MAST3: variants seen among roughly 807,000 people sequenced by gnomAD.
MAST3 encodes microtubule-associated serine/threonine-protein kinase 3.
Under a neutral mutation model 127.0 loss-of-function variants are expected in MAST3, and 43 were observed. That is an observed-to-expected ratio of 0.34 (90% CI 0.27 to 0.44). The LOEUF (loss-of-function observed/expected upper bound fraction) is 0.44, where lower values mean the gene tolerates loss of function less well. Among genes scored for constraint, MAST3 ranks in the 20% least tolerant of loss-of-function variants. MAST3 has a pLI of 1.00. For synonymous variants in MAST3, 785 were observed against 809.2 expected (o/e 0.97, Z 0.51); for missense variants, 1,390 against 1,919.1 (o/e 0.72, Z 5.15).
At chr19:18,123,156 G>C (rs2040195424) in intron 6 of MAST3, 61 bp from the exon 7 acceptor site, 2 of 1,580,358 alleles carry the variant, frequency 1.3e-6, no homozygotes, top group South Asian at 2.2e-5. Flanking sequence ...GGTGGTGCTG[G>C]GTTCCTGGCC....
In MAST3 at chr19:18,124,732, T is replaced by C; in HGVS notation, c.1036T>C (p.Tyr346His). ...AGGCATTAAGACTGACCTTCCACAGTACATCATTGGGCAGCTGGGCCTGGC... is the reference window on the plus strand; with the variant it reads ...AGGCATTAAGACTGACCTTCCACAGCACATCATTGGGCAGCTGGGCCTGGC... ...GQGIKTDLPQ[Y>H]IIGQLGLAKD... The change falls in exon 11 of 28, where the codon TAC (tyrosine) becomes CAC (histidine). Residue 346 changes from tyrosine (Y) to histidine (H), a missense_variant. Physicochemically the swap from Tyr to His is moderately conservative, Grantham distance 83. Transcript: ENST00000687212. 6.2e-7 allele frequency: 1 copy of C among 1,609,356 alleles called. No homozygotes were observed. The highest frequency in any genetic ancestry group is 8.5e-7 in the Non-Finnish European group (1 of 1,177,370).
chr19:18,117,947 C>A (rs1257580825), intron 3 of MAST3: 1 of 198,180 alleles, frequency 5.0e-6, no homozygotes, highest in Non-Finnish European at 9.0e-6. Context: ...CGCTCCGCCT[C>A]CCGACAGGCC....
At chr19:18,124,460 C>T (rs1468497399) in intron 10 of MAST3, 94 bp downstream of exon 10, 27 of 1,379,566 alleles carry the variant, frequency 2.0e-5, no homozygotes, top group East Asian at 1.0e-4. Flanking sequence ...CAGTTCCCAT[C>T]GTGTAGGGCT....
chr19:18,123,181 G>A, intron 6 of MAST3, 36 bp from the exon 7 acceptor site: 1 of 1,611,336 alleles, frequency 6.2e-7, no homozygotes, highest in Non-Finnish European at 8.5e-7. Context: ...CACTGACGGT[G>A]AACTCATGGC....
At chr19:18,118,494 C>G (rs558599725) in intron 3 of MAST3, among the ~76,000 whole-genome samples, 104 of 152,228 alleles carry the variant, frequency 6.8e-4, no homozygotes, top group Non-Finnish European at 1.2e-3. Flanking sequence ...TGGTGACAGA[C>G]AGGAGTGAGT....
At chr19:18,106,605 C>T (rs1294402587) in intron 1 of MAST3, among the ~76,000 whole-genome samples, 1 of 150,362 alleles carries the variant, frequency 6.7e-6, no homozygotes, top group Non-Finnish European at 1.5e-5. Context: ...GAGTTTCGCT[C>T]TTGTTTCCCA....
At position 18,145,013 on chromosome 19, in the gene MAST3, C is replaced by A; in HGVS notation, c.2823C>A (p.Ser941Arg). The A allele has an allele frequency of 6.4e-7, 1 of 1,569,564 alleles. No individual in the cohort carries two copies. Among genetic ancestry groups the A allele is most frequent in the Non-Finnish European group, 8.7e-7 (1 of 1,147,118 alleles). Residue 941 changes from serine to arginine, a missense_variant, in exon 24 of 28, where the codon AGC becomes AGA. By Grantham distance (110) the Ser-to-Arg change is moderately radical (BLOSUM62 -1). Around this residue, in one of 5 missense-constraint regions of MAST3, gnomAD observed 816 missense variants for 934.1 expected, o/e 0.87. Coordinates refer to ENST00000687212, the MANE Select transcript of MAST3 (RefSeq NM_001393504.1). This position sits in a 1 kb window ranked among gnomAD's most constrained non-coding sequence, Gnocchi z 5.9. Reference sequence around the variant, plus strand: ...CCTAACCCCCTGCAGATGATGGCAGCGGCGGCCCCCTCATGAGCCCCCTTT... The same window carrying A: ...CCTAACCCCCTGCAGATGATGGCAGAGGCGGCCCCCTCATGAGCCCCCTTT... ...LSLIITADDG[S>R]GGPLMSPLSP...
intron 1 of MAST3, among the ~76,000 whole-genome samples, chr19:18,101,975 G>C (rs1412053254): frequency 2.2e-5 from 3 of 137,432 alleles, no homozygotes; most frequent in African/African-American, 8.3e-5. Context: ...CCACCTCCCA[G>C]GTTCATGCCA....
chr19:18,111,026 G>A (rs959596228), intron 3 of MAST3, among the ~76,000 whole-genome samples: 11 of 152,132 alleles, frequency 7.2e-5, no homozygotes, highest in African/African-American at 2.4e-4. Flanking sequence ...ATTCCCAAGC[G>A]GCTCAGGGCA....
intron 20 of MAST3, among the ~76,000 whole-genome samples, chr19:18,140,110 T>C (rs10416086): frequency 0.94 from 142,800 of 152,034 alleles, 67,091 homozygotes; most frequent in East Asian, 0.96. Flanking sequence ...TGAGCCACCG[T>C]GCCCGGCCTG....
At chr19:18,122,925 C>A (rs1041977569) in intron 6 of MAST3, among the ~76,000 whole-genome samples, 174 bp downstream of exon 6, 46 of 152,230 alleles carry the variant, frequency 3.0e-4, no homozygotes, top group African/African-American at 1.1e-3. Flanking sequence ...GAAGACCCAG[C>A]CTTGGCCCCA....
Position 18,110,122 on chromosome 19 carries a change from C to G in MAST3, c.72-530C>G. On this transcript the variant is annotated intron_variant, in intron 2 of 27. Coordinates refer to ENST00000687212, the MANE Select transcript of MAST3 (RefSeq NM_001393504.1). The surrounding 1 kb of genome is among the most constrained non-coding windows in gnomAD (Gnocchi z 4.3). ...GCCGGGCCTGCGCGCAGGTGCGGAG[C>G]TGCGATCCCCGCCCCGAGGCGGAGC... 1 of 985,320 alleles carries G rather than the reference C, an allele frequency of 1.0e-6. No homozygotes were observed. The highest frequency in any genetic ancestry group is 1.2e-6 in the Non-Finnish European group (1 of 829,910). 61.0% of individuals were successfully genotyped at this position (985,320 alleles called of 1,614,324 possible). A position where few individuals can be genotyped will look rare whatever the true frequency, so the allele number is the denominator to read the frequency against.
chr19:18,140,884 T>G (rs2042397865), intron 20 of MAST3, among the ~76,000 whole-genome samples: 1 of 152,002 alleles, frequency 6.6e-6, no homozygotes, highest in East Asian at 1.9e-4. Context: ...ACCTCCACCT[T>G]CTGGGTTCAA....
chr19:18,121,880 A>G lies in MAST3; in HGVS notation c.278A>G (p.Asn93Ser). 8.1e-6 allele frequency: 13 copies of G among 1,613,952 alleles called. No homozygotes were observed. Among genetic ancestry groups the G allele is most frequent in the Non-Finnish European group, 1.1e-5 (13 of 1,179,878 alleles). The change falls in exon 5 of 28, where the codon AAT (asparagine) becomes AGT (serine). Residue 93 changes from asparagine (N) to serine (S), a missense_variant. Transcript: ENST00000687212. ...AGCAGCCCCTTGGATAGTCCTCGGA[A>G]TTTCTCGGCTGCCTCTGCCCTAAAT... Reference protein sequence around the residue: ...TGSSPLDSPRNFSAASALNFP... With the variant: ...TGSSPLDSPRSFSAASALNFP...
Position 18,101,712 on chromosome 19 carries a change from G to A in MAST3, c.39+3881G>A, listed in dbSNP as rs919755436. On this transcript the variant is annotated intron_variant, in intron 1 of 27. Transcript: ENST00000687212. ...GTGGCCCAGGCTGGAGTGCAGTGGC[G>A]CCATCTTGGCTCACTGCAGGCTCCG... Among the ~76,000 whole-genome samples the A allele has an allele frequency of 2.7e-5, 4 of 148,638 alleles. No homozygotes were observed. In the South Asian group the frequency reaches 8.5e-4, roughly 32 times the overall value.
At position 18,149,294 on chromosome 19, in the gene MAST3, C is replaced by T; in HGVS notation, c.3612C>T (p.Ala1204=). 1 of 1,537,134 alleles carries T rather than the reference C, an allele frequency of 6.5e-7. No individual in the cohort carries two copies. The highest frequency in any genetic ancestry group is 8.7e-7 in the Non-Finnish European group (1 of 1,143,934). The change falls in exon 28 of 28, where the codon GCC becomes GCT. Residue 1204 remains alanine (A), a synonymous_variant. Coordinates refer to ENST00000687212, the MANE Select transcript of MAST3 (RefSeq NM_001393504.1). The surrounding 1 kb of genome is among the most constrained non-coding windows in gnomAD (Gnocchi z 5.9). ...TRPSSLHGLA[A]KLGPPRPKTG... is the part of the protein sequence containing the mutation. ...CCAGCTCCCTGCACGGCCTGGCTGC[C>T]AAGCTTGGGCCACCCCGCCCCAAGA...
Position 18,145,853 on chromosome 19 carries a change from G to A in MAST3, c.3150G>A (p.Glu1050=). 2 of 1,595,928 alleles carry A rather than the reference G, an allele frequency of 1.3e-6. No homozygotes were observed. Among genetic ancestry groups the A allele is most frequent in the Non-Finnish European group, 1.7e-6 (2 of 1,172,744 alleles). Residue 1050 remains glutamate, a synonymous_variant, in exon 25 of 28, where the codon GAG becomes GAA. Coordinates refer to ENST00000687212, the MANE Select transcript of MAST3 (RefSeq NM_001393504.1). The surrounding 1 kb of genome is among the most constrained non-coding windows in gnomAD (Gnocchi z 5.9). ...GGCTGGTGCACATGGACGTCGTGGA[G>A]CTGCTGCTGAAGGTGCGGCACCCCC... The part of the protein sequence containing the change: ...VLGLVHMDVV[E]LLLKSGNKIS...
At chr19:18,124,503 G>T (rs576146498) in intron 10 of MAST3, 137 bp downstream of exon 10, 6 of 1,348,200 alleles carry the variant, frequency 4.5e-6, no homozygotes, top group Non-Finnish European at 5.1e-6. Context: ...TTGGGCTAGC[G>T]TGGGCTTCCC....
intron 13 of MAST3, 89 bp from the exon 14 acceptor site, chr19:18,130,404 AG>A (rs2041150068): frequency 8.4e-7 from 1 of 1,185,012 alleles, no homozygotes; most frequent in East Asian, 2.6e-5. Context: ...GGCAAAGGCC[AG>A]GCAGGTTGGG....
Sources: allele counts gnomAD v4.1 joint callset (sites outside exome capture counted in the v4.1 genomes callset), GRCh38; gene constraint gnomAD v4.1.1; regional missense constraint gnomAD v4.1.1; non-coding constraint Gnocchi (gnomAD v3.1); transcripts MANE v1.5; gene names NCBI Gene and HGNC (gene_info 2026-07-23, HGNC 2026-07-21).